TGFB1: variants seen among roughly 807,000 people sequenced by gnomAD.
TGFB1 encodes the protein transforming growth factor beta 1, also known as transforming growth factor beta-1 proprotein.
Under a neutral mutation model 43.8 loss-of-function variants are expected in TGFB1, and 19 were observed. The observed-to-expected ratio is 0.43, with a 90% CI of 0.30 to 0.64. The LOEUF is 0.64. TGFB1 is among the 30% of genes least tolerant of loss of function. The pLI is 0.11. For synonymous variants in TGFB1, 221 were observed against 236.3 expected, an observed-to-expected ratio of 0.94 and a Z score of 0.60; for missense variants, 445 against 529.8, an observed-to-expected ratio of 0.84 and a Z score of 1.57.
intron 5 of TGFB1, among the ~76,000 whole-genome samples, chr19:41,341,182 T>C (rs2038050274): frequency 6.7e-6 from 1 of 148,188 alleles, no homozygotes; most frequent in Non-Finnish European, 1.5e-5. Context: ...ATACAAAAAA[T>C]TAGGCCGGGC....
chr19:41,348,322 T>G lies in TGFB1; in HGVS notation c.489A>C (p.Lys163Asn). The G allele has an allele frequency of 6.2e-7, 1 of 1,613,400 alleles. No individual in the cohort carries two copies. Among genetic ancestry groups the G allele is most frequent in the Non-Finnish European group, 8.5e-7 (1 of 1,179,742 alleles). The change falls in exon 2 of 7, where the codon AAA (lysine) becomes AAC (asparagine). Residue 163 changes from lysine to asparagine, a missense_variant. Physicochemically the swap from Lys to Asn is moderately conservative, Grantham distance 94. Coordinates refer to ENST00000221930, the MANE Select transcript of TGFB1 (RefSeq NM_000660.7). ...AELRLLRLKL[K>N]VEQHVELYQK... Reference sequence around the variant, plus strand: ...GGTACAGCTCCACGTGCTGCTCCACTTTTAACTTGAGCCTCAGCAGACGCA... The same window carrying G: ...GGTACAGCTCCACGTGCTGCTCCACGTTTAACTTGAGCCTCAGCAGACGCA...
At chr19:41,346,264 C>A (rs578156425) in intron 2 of TGFB1, among the ~76,000 whole-genome samples, 22 of 152,106 alleles carry the variant, frequency 1.4e-4, no homozygotes, top group Non-Finnish European at 2.6e-4. Context: ...GCAGGAGAAT[C>A]GCTTGAACCC....
chr19:41,344,462 C>T (rs1371895699), intron 3 of TGFB1, among the ~76,000 whole-genome samples: 1 of 152,158 alleles, frequency 6.6e-6, no homozygotes, highest in African/African-American at 2.4e-5. Context: ...AGGTCTGTTC[C>T]CCAGCTACCT....
Position 41,352,760 on chromosome 19 carries a change from C to T in TGFB1, c.285G>A (p.Pro95=). 1 of 1,612,516 alleles carries T rather than the reference C, an allele frequency of 6.2e-7. No individual in the cohort carries two copies. Among genetic ancestry groups the T allele is most frequent in the Non-Finnish European group, 8.5e-7 (1 of 1,179,102 alleles). The change falls in exon 1 of 7, where the codon CCG becomes CCA. Residue 95 remains proline, a synonymous_variant. Transcript: ENST00000221930. ...AGTAGTCGGCCTCAGGCTCGGGCTCCGGTTCTGCACTCTCCCCGGCCACCC... is the reference window on the plus strand; with the variant it reads ...AGTAGTCGGCCTCAGGCTCGGGCTCTGGTTCTGCACTCTCCCCGGCCACCC... ...RDRVAGESAE[P]EPEPEADYYA...
intron 5 of TGFB1, among the ~76,000 whole-genome samples, chr19:41,333,094 C>T (rs908779040): frequency 3.9e-5 from 6 of 152,138 alleles, no homozygotes; most frequent in South Asian, 2.1e-4. Flanking sequence ...CTGTCTGTTC[C>T]TCAGACAGTC....
chr19:41,339,667 AC>A (rs2038030878), intron 5 of TGFB1, among the ~76,000 whole-genome samples: 2 of 151,694 alleles, frequency 1.3e-5, no homozygotes, highest in East Asian at 1.9e-4. Flanking sequence ...TACTAAAAAA[AC>A]CAAAAATTAG....
chr19:41,335,901 C>T (rs111858044), intron 5 of TGFB1, among the ~76,000 whole-genome samples: 9 of 145,908 alleles, frequency 6.2e-5, no homozygotes, highest in Admixed American at 1.4e-4. Flanking sequence ...CCCAGGGGAG[C>T]CCAGAGGCCT....
At chr19:41,341,846 C>A in intron 5 of TGFB1, 37 bp downstream of exon 5, 1 of 1,612,092 alleles carries the variant, frequency 6.2e-7, no homozygotes, top group Non-Finnish European at 8.5e-7. Context: ...GTCATGCCCC[C>A]AGCCTGGAAG....
chr19:41,331,329 C>A, intron 6 of TGFB1, 119 bp from the exon 7 acceptor site: 1 of 1,215,668 alleles, frequency 8.2e-7, no homozygotes, highest in Non-Finnish European at 1.1e-6. Context: ...CTCCCCGCAT[C>A]CCCTCTTCCC....
chr19:41,348,329 T>G lies in TGFB1; in HGVS notation c.482A>C (p.Lys161Thr). The G allele has an allele frequency of 6.2e-7, 1 of 1,613,506 alleles. No individual in the cohort carries two copies. The highest frequency in any genetic ancestry group is 1.7e-4 in the Middle Eastern group (1 of 5,978). The change falls in exon 2 of 7, where the codon AAG becomes ACG. Residue 161 changes from lysine to threonine, a missense_variant. Around this residue, in one of 3 missense-constraint regions of TGFB1, gnomAD observed 366 missense variants for 428.8 expected, o/e 0.85. Transcript: ENST00000221930. ...CTCCACGTGCTGCTCCACTTTTAAC[T>G]TGAGCCTCAGCAGACGCAGCTCTGC... ...SRAELRLLRL[K>T]LKVEQHVELY...
chr19:41,335,892 C>T (rs2037983260), intron 5 of TGFB1, among the ~76,000 whole-genome samples: 1 of 144 alleles, frequency 6.9e-3, no homozygotes, highest in Non-Finnish European at 0.015. Context: ...ACTTAGGGCC[C>T]CAGGGGAGCC....
At chr19:41,344,000 T>TTTTTA (rs2038087788) in intron 3 of TGFB1, among the ~76,000 whole-genome samples, 1 of 126,712 alleles carries the variant, frequency 7.9e-6, no homozygotes, top group African/African-American at 3.3e-5. Context: ...TTTTTTTTTT[T>TTTTTA]GAGATGGGAT....
At chr19:41,333,598 A>G (rs2037959078) in intron 5 of TGFB1, among the ~76,000 whole-genome samples, 1 of 152,048 alleles carries the variant, frequency 6.6e-6, no homozygotes, top group Non-Finnish European at 1.5e-5. Context: ...GGCTCAAACG[A>G]TCCGCACGCC....
intron 5 of TGFB1, among the ~76,000 whole-genome samples, chr19:41,334,117 G>A (rs149621304): frequency 1.3e-3 from 192 of 152,352 alleles, no homozygotes; most frequent in African/African-American, 4.4e-3. Flanking sequence ...GCTCACGCCT[G>A]TAATCCCAGC....
intron 5 of TGFB1, among the ~76,000 whole-genome samples, chr19:41,333,744 C>T (rs1264483382): frequency 6.6e-6 from 1 of 152,196 alleles, no homozygotes; most frequent in Non-Finnish European, 1.5e-5. Flanking sequence ...GCAGTAGGTA[C>T]TAGTAAATAT....
chr19:41,352,760 C>G lies in TGFB1; in HGVS notation c.285G>C (p.Pro95=), dbSNP rs758132393. ...AGTAGTCGGCCTCAGGCTCGGGCTC[C>G]GGTTCTGCACTCTCCCCGGCCACCC... The part of the protein sequence containing the change: ...RDRVAGESAE[P]EPEPEADYYA... Residue 95 remains proline (P), a synonymous_variant, in exon 1 of 7, where the codon CCG becomes CCC. Coordinates refer to ENST00000221930, the MANE Select transcript of TGFB1 (RefSeq NM_000660.7). The G allele has an allele frequency of 6.2e-7, 1 of 1,612,516 alleles. No individual in the cohort carries two copies. Among genetic ancestry groups the G allele is most frequent in the South Asian group, 1.1e-5 (1 of 90,956 alleles).
chr19:41,348,124 C>G (rs1352347562), intron 2 of TGFB1, among the ~76,000 whole-genome samples, 171 bp downstream of exon 2: 1 of 117,758 alleles, frequency 8.5e-6, no homozygotes, highest in Admixed American at 8.0e-5. Context: ...GAGTGAGACA[C>G]TGTCTCAAAA....
At chr19:41,342,367 C>A in intron 3 of TGFB1, 120 bp from the exon 4 acceptor site, 1 of 809,804 alleles carries the variant, frequency 1.2e-6, no homozygotes, top group Non-Finnish European at 2.0e-6. Flanking sequence ...CCACCCCACT[C>A]TGCCCTCTCA....
At chr19:41,347,328 T>A (rs1037470728) in intron 2 of TGFB1, among the ~76,000 whole-genome samples, 1 of 152,164 alleles carries the variant, frequency 6.6e-6, no homozygotes, top group African/African-American at 2.4e-5. Context: ...TGGCCCTAAA[T>A]TTTTAATTTA....
Sources: allele counts gnomAD v4.1 joint callset (sites outside exome capture counted in the v4.1 genomes callset), GRCh38; gene constraint gnomAD v4.1.1; regional missense constraint gnomAD v4.1.1; transcripts MANE v1.5; gene names NCBI Gene and HGNC (gene_info 2026-07-23, HGNC 2026-07-21).